The following RGS7 variants were observed in gnomAD, a reference collection of about 807,000 sequenced individuals.
The protein encoded by RGS7 is regulator of G protein signaling 7.
Under a neutral mutation model 81.1 loss-of-function variants are expected in RGS7, and 27 were observed. That is an observed-to-expected ratio of 0.33 (90% CI 0.25 to 0.46). The LOEUF (loss-of-function observed/expected upper bound fraction) is 0.46. RGS7 is among the 20% of genes least tolerant of loss of function. The probability of loss-of-function intolerance (pLI) is 1.00; values close to 1 mark genes in which losing one functional copy is unlikely to be tolerated. For missense variants in RGS7, 396 were observed against 607.4 expected (o/e 0.65, Z 3.66); for synonymous variants, 208 against 207.7 (o/e 1.00, Z -0.01).
intron 2 of RGS7, among the ~76,000 whole-genome samples, chr1:241,113,276 G>C (rs2065658589): frequency 6.6e-6 from 1 of 152,122 alleles, no homozygotes; most frequent in Non-Finnish European, 1.5e-5. Context: ...CTTATTACTA[G>C]ATATCTGTGA....
chr1:241,183,769 C>T (rs1039885697), intron 2 of RGS7, among the ~76,000 whole-genome samples: 1 of 152,212 alleles, frequency 6.6e-6, no homozygotes, highest in African/African-American at 2.4e-5. Flanking sequence ...GTGGAATGCA[C>T]TGTAGGGCCA....
chr1:240,930,062 T>C (rs1346345343), intron 6 of RGS7, among the ~76,000 whole-genome samples: 1 of 152,180 alleles, frequency 6.6e-6, no homozygotes, highest in Non-Finnish European at 1.5e-5. Context: ...CATGCAATCT[T>C]GTCTTTGAAA....
chr1:241,237,791 A>G lies in RGS7; in HGVS notation c.78+117908T>C, dbSNP rs2076060011. Reference sequence around the variant, plus strand: ...AAGGTTAGGACAGGATAAAGCCTCCAGACACCACCGTTCGAGTATAATTTG... The same window carrying G: ...AAGGTTAGGACAGGATAAAGCCTCCGGACACCACCGTTCGAGTATAATTTG... On this transcript the variant is annotated intron_variant, in intron 2 of 18. Coordinates refer to ENST00000440928, the MANE Select transcript of RGS7 (RefSeq NM_001364886.1). Among the ~76,000 whole-genome samples the G allele has an allele frequency of 2.6e-5, 4 of 152,170 alleles. No homozygotes were observed. In the South Asian group the frequency reaches 8.3e-4, roughly 31 times the overall value.
intron 4 of RGS7, among the ~76,000 whole-genome samples, chr1:240,945,556 T>C (rs770726731): frequency 1.4e-4 from 22 of 152,246 alleles, no homozygotes; most frequent in Non-Finnish European, 2.9e-4. Context: ...TACCTGTTAA[T>C]GGTATCTCTT....
intron 2 of RGS7, among the ~76,000 whole-genome samples, chr1:241,200,652 C>T (rs1210261157): frequency 6.6e-6 from 1 of 152,216 alleles, no homozygotes; most frequent in Non-Finnish European, 1.5e-5. Context: ...AGGACCATAA[C>T]TGCAGGCAAC....
chr1:241,089,742 T>C (rs111378272), intron 3 of RGS7, among the ~76,000 whole-genome samples: 2,124 of 152,122 alleles, frequency 0.014, 47 homozygotes, highest in African/African-American at 0.049. Flanking sequence ...AAACAGACCA[T>C]AAGAGAGAAC....
Position 241,087,945 on chromosome 1 carries a change from T to A in RGS7, c.175+10721A>T, listed in dbSNP as rs547702746. The stretch of plus-strand genomic sequence containing the variant: ...GCCTGAGCCACAGAGCAAGACTCCA[T>A]CTCTCTCTCTCTCTCTCTCTCTCTC... On this transcript the variant is annotated intron_variant, in intron 3 of 18. Transcript: ENST00000440928. Among the ~76,000 whole-genome samples the A allele has an allele frequency of 5.9e-3, 374 of 63,856 alleles. 2 individuals are homozygous for A. Among genetic ancestry groups the A allele is most frequent in the Admixed American group, 0.022 (165 of 7,454 alleles). 41.9% of individuals were successfully genotyped at this position (63,856 alleles called of 152,430 possible).
chr1:241,112,848 T>C (rs1282305868), intron 2 of RGS7, among the ~76,000 whole-genome samples: 1 of 152,226 alleles, frequency 6.6e-6, no homozygotes, highest in Non-Finnish European at 1.5e-5. Flanking sequence ...TGAACAGTGA[T>C]GTCGATCTTT....
chr1:240,966,242 G>C (rs1212351683), intron 4 of RGS7, among the ~76,000 whole-genome samples: 2 of 152,074 alleles, frequency 1.3e-5, no homozygotes, highest in African/African-American at 2.4e-5. Context: ...ATTAAAAAAA[G>C]ATTATTTGCA....
At chr1:240,915,479 C>T (rs920505888) in intron 6 of RGS7, among the ~76,000 whole-genome samples, 1 of 152,126 alleles carries the variant, frequency 6.6e-6, no homozygotes, top group South Asian at 2.1e-4. Context: ...CTGTATGACC[C>T]ATGCCTTATT....
chr1:240,798,149 T>C (rs1228861364), intron 18 of RGS7, among the ~76,000 whole-genome samples: 2 of 152,226 alleles, frequency 1.3e-5, no homozygotes, highest in East Asian at 3.9e-4. Flanking sequence ...CCCAGGATTG[T>C]TGTGCATGCA....
intron 3 of RGS7, among the ~76,000 whole-genome samples, chr1:241,018,893 TC>T (rs138767065): frequency 1.4e-3 from 211 of 152,274 alleles, no homozygotes; most frequent in African/African-American, 4.9e-3. Context: ...GGGGCAGAAT[TC>T]CACTTCACAA....
intron 3 of RGS7, among the ~76,000 whole-genome samples, chr1:241,054,234 A>G (rs1299622868): frequency 6.6e-6 from 1 of 152,218 alleles, no homozygotes; most frequent in East Asian, 1.9e-4. Context: ...TTAAACTATG[A>G]TAGTTCAGCA....
rs111809271 is a variant in RGS7 at position 240,833,806 on chromosome 1, C to CTTT, written c.610-6637_610-6635dup. 4.7e-3 allele frequency among the ~76,000 whole-genome samples: 678 copies of CTTT among 144,648 alleles called. 8 individuals carry two copies. The highest frequency in any genetic ancestry group is 0.017 in the African/African-American group (657 of 39,606). 94.9% of individuals were successfully genotyped at this position (144,648 alleles called of 152,430 possible). A position where few individuals can be genotyped will look rare whatever the true frequency, so the allele number is the denominator to read the frequency against. On this transcript the variant is annotated intron_variant, in intron 9 of 18. Transcript: ENST00000440928. ...GATTTTAAAGTGTTCAGTCTCAGGA[C>CTTT]TTTTTTTTTTTTGGCCCAGGCTGGA...
intron 6 of RGS7, among the ~76,000 whole-genome samples, chr1:240,887,237 T>TGTTGCTG (rs774077074): frequency 6.8e-6 from 1 of 147,968 alleles, no homozygotes; most frequent in East Asian, 2.0e-4. Context: ...TTTTTTTTTT[T>TGTTGCTG]TTTTTTTTTG....
chr1:240,975,854 G>A (rs1187033905), intron 4 of RGS7, among the ~76,000 whole-genome samples: 6 of 152,368 alleles, frequency 3.9e-5, no homozygotes, highest in South Asian at 2.1e-4. Flanking sequence ...GAGGAAACAC[G>A]AACGTGGAAG....
chr1:240,791,299 A>T lies in RGS7; in HGVS notation c.*6+9342T>A, dbSNP rs1401716345. The stretch of plus-strand genomic sequence containing the variant: ...CTGGCCATTGACAAAAACAATGACA[A>T]CAGCCATCAAAATATGGTGCACAAT... On this transcript the variant is annotated intron_variant, in intron 18 of 18. Transcript: ENST00000440928. Among the ~76,000 whole-genome samples, 3 of 152,338 alleles carry T rather than the reference A, an allele frequency of 2.0e-5. No homozygotes were observed. The East Asian group carries it at 5.8e-4, about 29-fold the overall frequency.
chr1:240,925,668 T>C (rs1674324871), intron 6 of RGS7, among the ~76,000 whole-genome samples: 2 of 152,238 alleles, frequency 1.3e-5, no homozygotes, highest in Non-Finnish European at 2.9e-5. Flanking sequence ...GGGATGAATA[T>C]AGTTCTAGTT....
intron 2 of RGS7, among the ~76,000 whole-genome samples, chr1:241,340,455 T>G (rs553169101): frequency 6.6e-6 from 1 of 152,234 alleles, no homozygotes; most frequent in African/African-American, 2.4e-5. Context: ...TCTGAGAGCA[T>G]CTGGGATATT....
Sources: gnomAD v4.1 joint callset for allele counts (sites outside exome capture counted in the v4.1 genomes callset) on GRCh38, gnomAD v4.1.1 for gene constraint, MANE v1.5 for transcripts, NCBI Gene and HGNC (gene_info 2026-07-23, HGNC 2026-07-21) for gene names.